The following BCL2L14 variants were observed in gnomAD, a reference collection of about 807,000 sequenced individuals.
BCL2L14 encodes BCL2 like 14.
BCL2L14 carries 27 observed loss-of-function variants against 35.3 expected under a neutral mutation model. The ratio of observed to expected loss-of-function variants is 0.76; its 90% CI spans 0.56 to 1.05. The LOEUF is 1.05. Among genes scored for constraint, BCL2L14 ranks in the 50% least tolerant of loss-of-function variants. The pLI is 0.00. For missense variants in BCL2L14, 377 were observed against 382.6 expected (o/e 0.99, Z 0.12); for synonymous variants, 139 against 145.9 (o/e 0.95, Z 0.34).
At chr12:12,079,257 G>A (rs1948852820) in intron 1 of BCL2L14, 42 bp from the exon 2 acceptor site, 2 of 1,494,604 alleles carry the variant, frequency 1.3e-6, no homozygotes, top group African/African-American at 1.4e-5. Flanking sequence ...AAGGGTAAGT[G>A]GCCCTGCATA....
At chr12:12,098,332 A>G (rs556070659) in intron 5 of BCL2L14, among the ~76,000 whole-genome samples, 1 of 152,308 alleles carries the variant, frequency 6.6e-6, no homozygotes, top group South Asian at 2.1e-4. Flanking sequence ...TCATATGAGT[A>G]CATCTCATCT....
chr12:12,097,160 T>A (rs564846405), intron 5 of BCL2L14, among the ~76,000 whole-genome samples: 74 of 151,696 alleles, frequency 4.9e-4, no homozygotes, highest in African/African-American at 1.7e-3. Flanking sequence ...ATAAAAAAAA[T>A]TAAAAAAAAT....
chr12:12,050,809 AAAAAGAAAAG>A (rs543033559), intron 1 of BCL2L14, among the ~76,000 whole-genome samples: 1 of 134,672 alleles, frequency 7.4e-6, no homozygotes, highest in African/African-American at 2.6e-5. Context: ...AAAAAAAAAA[AAAAAGAAAAG>A]AAAAGAAAAG....
chr12:12,096,437 A>AAAAC, intron 5 of BCL2L14, among the ~76,000 whole-genome samples: 1 of 139,982 alleles, frequency 7.1e-6, no homozygotes, highest in African/African-American at 2.6e-5. Flanking sequence ...GAATGTGAAA[A>AAAAC]AAAAAAAAAA....
chr12:12,094,716 C>G lies in BCL2L14; in HGVS notation c.731C>G (p.Ser244Cys). 1 of 1,614,234 alleles carries G rather than the reference C, an allele frequency of 6.2e-7. No individual in the cohort carries two copies. The highest frequency in any genetic ancestry group is 8.5e-7 in the Non-Finnish European group (1 of 1,180,048). Residue 244 changes from serine (S) to cysteine (C), a missense_variant, in exon 5 of 6, where the codon TCT becomes TGT. Ser to Cys is a moderately radical substitution (Grantham distance 112, BLOSUM62 -1). Transcript: ENST00000308721. ...CACTTCCAGGATGGGCTGTCCTACTCTGTTTTCAAGACCATCACAGACCAG... is the reference window on the plus strand; with the variant it reads ...CACTTCCAGGATGGGCTGTCCTACTGTGTTTTCAAGACCATCACAGACCAG... ...MGHFQDGLSY[S>C]VFKTITDQVL...
chr12:12,059,747 C>T (rs1948493458), intron 2 of BCL2L14, among the ~76,000 whole-genome samples: 1 of 152,122 alleles, frequency 6.6e-6, no homozygotes, highest in African/African-American at 2.4e-5. Context: ...TCAACTCTCA[C>T]CTGACCTAAA....
chr12:12,072,631 A>G (rs1641718), intron 1 of BCL2L14: 148,998 of 152,314 alleles, frequency 0.98, 72,969 homozygotes, highest in East Asian at 1. Context: ...CAGCATTCAG[A>G]GGCCCCACCC....
chr12:12,084,077 G>A (rs1241561125), intron 2 of BCL2L14, among the ~76,000 whole-genome samples: 1 of 152,160 alleles, frequency 6.6e-6, no homozygotes, highest in African/African-American at 2.4e-5. Context: ...GCAAAGGAAG[G>A]GCAAAGGGTG....
rs190109890 is a variant in BCL2L14 at position 12,061,639 on chromosome 12, A to G, written c.-272+9792A>G. Among the ~76,000 whole-genome samples, 299 of 152,096 alleles carry G rather than the reference A, an allele frequency of 2.0e-3. 9 individuals carry two copies. In the South Asian group the frequency reaches 0.042, roughly 21 times the overall value. On this transcript the variant is annotated intron_variant, in intron 2 of 3. Coordinates refer to the BCL2L14 transcript ENST00000461264. ...CATTATTCTGTTCTGGATCTCAAAC[A>G]TGCTTTCTTTACTATTCCTTTGCAC...
chr12:12,059,144 T>C (rs1336595152), intron 2 of BCL2L14, among the ~76,000 whole-genome samples: 2 of 152,158 alleles, frequency 1.3e-5, no homozygotes, highest in East Asian at 1.9e-4. Context: ...TGTTTAATCA[T>C]TGCAAGGACA....
chr12:12,079,328 A>T lies in BCL2L14; in HGVS notation c.23A>T (p.Asp8Val). The T allele has an allele frequency of 6.2e-7, 1 of 1,613,982 alleles. No homozygotes were observed. The highest frequency in any genetic ancestry group is 8.5e-7 in the Non-Finnish European group (1 of 1,179,918). Residue 8 changes from aspartate (D) to valine (V), a missense_variant, in exon 2 of 6, where the codon GAC (aspartate) becomes GTC (valine). Coordinates refer to ENST00000308721, the MANE Select transcript of BCL2L14 (RefSeq NM_138723.2). MCSTSGC[D>V]LEEIPLDDDD... ...AACATGTGTAGCACCAGTGGGTGTGACCTGGAAGAAATCCCCCTAGATGAT... is the reference window on the plus strand; with the variant it reads ...AACATGTGTAGCACCAGTGGGTGTGTCCTGGAAGAAATCCCCCTAGATGAT...
At position 12,084,470 on chromosome 12, in the gene BCL2L14, C is replaced by A. The variant is rs1172947863; in HGVS notation, c.434-2743C>A. The stretch of plus-strand genomic sequence containing the variant: ...CCATAAGGAAGTCACACCCCAACCC[C>A]CTGCCCTTTCTCTTTAAAACAAATG... On this transcript the variant is annotated intron_variant, in intron 2 of 5. Coordinates refer to ENST00000308721, the MANE Select transcript of BCL2L14 (RefSeq NM_138723.2). Among the ~76,000 whole-genome samples, 4 of 152,098 alleles carry A rather than the reference C, an allele frequency of 2.6e-5. No homozygotes were observed. In the East Asian group the frequency reaches 7.7e-4, roughly 29 times the overall value.
At chr12:12,059,294 C>T (rs139707601) in intron 2 of BCL2L14, among the ~76,000 whole-genome samples, 1 of 151,678 alleles carries the variant, frequency 6.6e-6, no homozygotes, top group Non-Finnish European at 1.5e-5. Context: ...TGTCTCTACC[C>T]CTTCTCCACC....
chr12:12,087,661 A>G (rs886574809), intron 3 of BCL2L14, among the ~76,000 whole-genome samples: 1 of 152,270 alleles, frequency 6.6e-6, no homozygotes, highest in African/African-American at 2.4e-5. Flanking sequence ...GCCCGCATTC[A>G]GCCTTGTCTG....
rs1948716952 is a variant in BCL2L14, at chr12:12,073,635, T to C, written c.-8+2498T>C. ...ACACACAATTTTAAAGCCCTCGTGTTATATTAAAAAGGTCTGGATGTTTTT... is the reference window on the plus strand; with the variant it reads ...ACACACAATTTTAAAGCCCTCGTGTCATATTAAAAAGGTCTGGATGTTTTT... On this transcript the variant is annotated intron_variant, in intron 1 of 5. Coordinates refer to ENST00000308721, the MANE Select transcript of BCL2L14 (RefSeq NM_138723.2). 1.3e-5 allele frequency among the ~76,000 whole-genome samples: 2 copies of C among 152,176 alleles called. 1 individual carries two copies. Among genetic ancestry groups the C allele is most frequent in the South Asian group, 4.1e-4 (2 of 4,830 alleles).
intron 2 of BCL2L14, among the ~76,000 whole-genome samples, chr12:12,083,759 A>G (rs1488396103): frequency 6.6e-6 from 1 of 152,136 alleles, no homozygotes; most frequent in African/African-American, 2.4e-5. Context: ...AGCCTGAGCA[A>G]CATGACAAAA....
intron 5 of BCL2L14, chr12:12,095,824 T>TGGTCTTCAGTGGCTGCCAC: frequency 1.0e-6 from 1 of 985,370 alleles, no homozygotes; most frequent in Non-Finnish European, 1.2e-6. Flanking sequence ...GTGCCCGCCA[T>TGGTCTTCAGTGGCTGCCAC]GGTCTTCAGT....
At chr12:12,085,457 A>G (rs1949021736) in intron 2 of BCL2L14, among the ~76,000 whole-genome samples, 1 of 152,216 alleles carries the variant, frequency 6.6e-6, no homozygotes, top group Non-Finnish European at 1.5e-5. Flanking sequence ...CTGGGCTGCA[A>G]TAAGGGGATT....
chr12:12,077,537 CAAA>C (rs58644458), intron 1 of BCL2L14, among the ~76,000 whole-genome samples: 5 of 113,118 alleles, frequency 4.4e-5, no homozygotes, highest in East Asian at 2.8e-4. Context: ...AACTGAGTCT[CAAA>C]AAAAAAAAAA....
Sources: allele counts gnomAD v4.1 joint callset (sites outside exome capture counted in the v4.1 genomes callset), GRCh38; gene constraint gnomAD v4.1.1; transcripts MANE v1.5; gene names NCBI Gene and HGNC (gene_info 2026-07-23, HGNC 2026-07-21).